Variants in ITSN1 observed in about 807,000 individuals in gnomAD.
The protein encoded by ITSN1 is intersectin-1.
ITSN1 carries 58 observed loss-of-function variants against 239.8 expected under a neutral mutation model. That is an observed-to-expected ratio of 0.24 (90% confidence interval 0.20 to 0.30). ITSN1 has a LOEUF of 0.30. Ranked by LOEUF, ITSN1 falls within the 10% of genes least tolerant of loss-of-function variation. ITSN1 has a pLI of 1.00. For missense variants in ITSN1, 1,558 were observed against 2,103.3 expected (o/e 0.74, Z 5.07); for synonymous variants, 780 against 770.8 (o/e 1.01, Z -0.20).
intron 33 of ITSN1, among the ~76,000 whole-genome samples, chr21:33,868,599 C>G (rs866377925): frequency 1.2e-4 from 19 of 152,332 alleles, no homozygotes; most frequent in South Asian, 4.1e-4. Flanking sequence ...CAGGGCCGGC[C>G]GGCTGCTCCG....
At chr21:33,842,161 C>G (rs2074846265) in intron 29 of ITSN1, among the ~76,000 whole-genome samples, 1 of 152,018 alleles carries the variant, frequency 6.6e-6, no homozygotes, top group South Asian at 2.1e-4. Flanking sequence ...TCCCAAAGTG[C>G]TGGGATTACA....
chr21:33,703,416 T>A (rs898496913), intron 1 of ITSN1, among the ~76,000 whole-genome samples: 1 of 152,184 alleles, frequency 6.6e-6, no homozygotes, highest in African/African-American at 2.4e-5. Context: ...AGCTTTGGTT[T>A]AAAAATCTGA....
intron 8 of ITSN1, among the ~76,000 whole-genome samples, chr21:33,760,250 A>T (rs2068210517): frequency 6.6e-6 from 1 of 152,226 alleles, no homozygotes. Flanking sequence ...AGCCAGGTGG[A>T]ACAGCGGACA....
intron 26 of ITSN1, chr21:33,829,215 G>A (rs2074148211): frequency 2.8e-6 from 1 of 358,394 alleles, no homozygotes; most frequent in Admixed American, 3.8e-5. Context: ...TCACTTCAAA[G>A]TAGCACTTTA....
chr21:33,693,947 T>A (rs1376483625), intron 1 of ITSN1, among the ~76,000 whole-genome samples: 2 of 152,260 alleles, frequency 1.3e-5, no homozygotes, highest in East Asian at 1.9e-4. Context: ...TGTTTCTGTG[T>A]CTTAAACACA....
intron 1 of ITSN1, among the ~76,000 whole-genome samples, chr21:33,656,941 G>A (rs562441429): frequency 2.0e-5 from 3 of 152,006 alleles, no homozygotes; most frequent in Non-Finnish European, 4.4e-5. Flanking sequence ...GGCTGGTCAC[G>A]AACTCCTGAC....
intron 27 of ITSN1, 140 bp downstream of exon 27, chr21:33,829,885 T>C (rs1290850647): frequency 1.1e-6 from 1 of 940,368 alleles, no homozygotes; most frequent in East Asian, 2.6e-5. Flanking sequence ...AGATGCCAAA[T>C]TTTCTGTGTT....
rs1482258268 is a variant in ITSN1 at position 33,875,380 on chromosome 21, C to G, written c.4200C>G (p.His1400Gln). The change falls in exon 34 of 40, where the codon CAC (histidine) becomes CAG (glutamine). Residue 1400 changes from histidine to glutamine, a missense_variant. This residue lies in a region of ITSN1 where 576 missense variants were observed against 893.3 expected (regional missense o/e 0.64). Coordinates refer to ENST00000381318, the MANE Select transcript of ITSN1 (RefSeq NM_003024.3). ...TCCTGGAAAACACCCCTGAAAACCA[C>G]CCGGACCACAGCCACTTGAAGCACG... ...KNILENTPEN[H>Q]PDHSHLKHAL... The G allele has an allele frequency of 6.4e-7, 1 of 1,550,490 alleles. No homozygotes were observed. The highest frequency in any genetic ancestry group is 2.4e-5 in the East Asian group (1 of 41,542).
chr21:33,698,255 C>T (rs2091880248), intron 1 of ITSN1, among the ~76,000 whole-genome samples: 1 of 152,056 alleles, frequency 6.6e-6, no homozygotes, highest in Non-Finnish European at 1.5e-5. Flanking sequence ...TTGAGTGTTG[C>T]CAAGTGATGT....
intron 16 of ITSN1, among the ~76,000 whole-genome samples, chr21:33,787,866 C>G (rs912170696): frequency 6.6e-6 from 1 of 152,096 alleles, no homozygotes; most frequent in Admixed American, 6.5e-5. Context: ...TTTATTTTTA[C>G]CTATATGATC....
intron 4 of ITSN1, among the ~76,000 whole-genome samples, chr21:33,730,900 T>C (rs925549648): frequency 6.6e-6 from 1 of 151,270 alleles, no homozygotes; most frequent in African/African-American, 2.4e-5. Flanking sequence ...TTCACCTTGT[T>C]GGTCAGACTG....
chr21:33,675,372 G>A (rs762240), intron 1 of ITSN1, among the ~76,000 whole-genome samples: 22,912 of 151,882 alleles, frequency 0.15, 2,170 homozygotes, highest in East Asian at 0.26. Flanking sequence ...GACCGTCCTA[G>A]CCAACACGGT....
rs545368102 is a variant in ITSN1 at position 33,843,568 on chromosome 21, C to A, written c.3661+6936C>A. ...CAGAAAAACATGGTGCTGTATATAACAACACGGCTTCTCTGCAAGTTCAGC... is the reference window on the plus strand; with the variant it reads ...CAGAAAAACATGGTGCTGTATATAAAAACACGGCTTCTCTGCAAGTTCAGC... On this transcript the variant is annotated intron_variant, in intron 29 of 39. Coordinates refer to ENST00000381318, the MANE Select transcript of ITSN1 (RefSeq NM_003024.3). Among the ~76,000 whole-genome samples, 22 of 152,336 alleles carry A rather than the reference C, an allele frequency of 1.4e-4. No individual in the cohort carries two copies. In the South Asian group the frequency reaches 2.5e-3, roughly 17 times the overall value.
At chr21:33,717,651 GTTCACGCCATTCTCC>G (rs2065235568) in intron 1 of ITSN1, among the ~76,000 whole-genome samples, 1 of 152,014 alleles carries the variant, frequency 6.6e-6, no homozygotes, top group Admixed American at 6.6e-5. Context: ...CATCTCCTGG[GTTCACGCCATTCTCC>G]TGCCTCAGCC....
At chr21:33,883,466 C>T (rs1985264832) in intron 35 of ITSN1, 84 bp from the exon 36 acceptor site, 6 of 1,561,720 alleles carry the variant, frequency 3.8e-6, no homozygotes, top group Non-Finnish European at 1.7e-6. Flanking sequence ...AACACATTGG[C>T]ATAAGTGTGC....
chr21:33,688,599 A>G (rs1237584507), intron 1 of ITSN1, among the ~76,000 whole-genome samples: 2 of 152,196 alleles, frequency 1.3e-5, no homozygotes, highest in African/African-American at 4.8e-5. Flanking sequence ...GAAACAGACA[A>G]TGAACATCAG....
intron 1 of ITSN1, among the ~76,000 whole-genome samples, chr21:33,653,647 C>T (rs1481278036): frequency 2.0e-5 from 3 of 152,058 alleles, no homozygotes; most frequent in Non-Finnish European, 4.4e-5. Flanking sequence ...CTCAGCCTCC[C>T]GAGTAGCTGG....
intron 5 of ITSN1, 173 bp from the exon 6 acceptor site, chr21:33,749,970 T>C: frequency 1.6e-6 from 1 of 629,316 alleles, no homozygotes; most frequent in Non-Finnish European, 2.8e-6. Flanking sequence ...CCTTTTGATG[T>C]GATCCTTGAC....
At chr21:33,863,645 A>T (rs1397847303) in intron 31 of ITSN1, among the ~76,000 whole-genome samples, 2 of 152,202 alleles carry the variant, frequency 1.3e-5, no homozygotes, top group Admixed American at 6.5e-5. Flanking sequence ...ACAAAACAAA[A>T]TAGGAGAAGG....
Sources: gnomAD v4.1 joint callset for allele counts (sites outside exome capture counted in the v4.1 genomes callset) on GRCh38, gnomAD v4.1.1 for gene constraint, gnomAD v4.1.1 regional missense constraint, MANE v1.5 for transcripts, NCBI Gene and HGNC (gene_info 2026-07-23, HGNC 2026-07-21) for gene names.